The following LRP8 variants were observed in gnomAD, a reference collection of about 807,000 sequenced individuals.
The protein encoded by LRP8 is LDL receptor related protein 8, also known as low-density lipoprotein receptor-related protein 8.
A neutral mutation model predicts 111.6 loss-of-function variants in LRP8; 46 were observed. The observed-to-expected ratio is 0.41, with a 90% CI of 0.33 to 0.53. The LOEUF is 0.53. Ranked by LOEUF, LRP8 falls within the 20% of genes least tolerant of loss-of-function variation. LRP8 has a pLI of 0.20. For synonymous variants in LRP8, 464 were observed against 511.2 expected (o/e 0.91, Z 1.24); for missense variants, 959 against 1,297.4 (o/e 0.74, Z 4.01).
rs1645728363 is a variant in LRP8, at chr1:53,246,435, G to T, written c.*583C>A. ...ACACACATACACACACAGAGTCTGT[G>T]TGGTGGGCCAAACATGCCAAAAATA... On this transcript the variant is annotated 3_prime_UTR_variant, in exon 19 of 19. Transcript: ENST00000306052. 6.6e-6 allele frequency: 1 copy of T among 152,252 alleles called. No homozygotes were observed. The highest frequency in any genetic ancestry group is 2.4e-5 in the African/African-American group (1 of 41,346). The allele number at this position is 152,252 out of a possible 1,614,324, so 9.4% of individuals were successfully genotyped here.
rs1226017545 is a variant in LRP8 at position 53,250,533 on chromosome 1, GGGAGGGAGGGAAGGACGGAAGGAAA to G, written c.2676+132_2676+156del. On this transcript the variant is annotated intron_variant, in intron 17 of 18. Transcript: ENST00000306052. The surrounding 1 kb of genome is among the most constrained non-coding windows in gnomAD (Gnocchi z 4.6). ...AGGAAAGAAGGAAAGAAAAAAGACA[GGGAGGGAGGGAAGGACGGAAGGAAA>G]GGAGGGAGGGAAGGACGGAAGGAAG... is the stretch of plus-strand genomic sequence containing the variant. 9.5e-4 allele frequency among the ~76,000 whole-genome samples: 143 copies of G among 151,176 alleles called. 1 individual carries two copies. Among genetic ancestry groups the G allele is most frequent in the Non-Finnish European group, 1.5e-3 (100 of 67,780 alleles).
rs1243117255 is a variant in LRP8, at chr1:53,275,035, TG to T, written c.1006+595del. On this transcript the variant is annotated intron_variant, in intron 6 of 18. Transcript: ENST00000306052. This position sits in a 1 kb window ranked among gnomAD's most constrained non-coding sequence, Gnocchi z 4.4. ...ATTAGGAGGCTAAGCCTCATGTAGC[TG>T]GGCAGGGCTGTGGGGATCTGCGTCT... is the stretch of plus-strand genomic sequence containing the variant. Among the ~76,000 whole-genome samples the T allele has an allele frequency of 2.0e-5, 3 of 152,276 alleles. No individual in the cohort carries two copies. Among genetic ancestry groups the T allele is most frequent in the South Asian group, 2.1e-4 (1 of 4,826 alleles).
intron 2 of LRP8, chr1:53,305,226 G>C (rs1651716371): frequency 2.0e-5 from 3 of 152,234 alleles, no homozygotes; most frequent in African/African-American, 7.2e-5. Context: ...CCTCAGGCAG[G>C]CTACCTGACC....
intron 5 of LRP8, among the ~76,000 whole-genome samples, chr1:53,276,188 T>TC (rs1268840103): frequency 3.3e-5 from 5 of 151,988 alleles, no homozygotes; most frequent in African/African-American, 1.2e-4. Flanking sequence ...AAGAGCCTCC[T>TC]CATCCTCTAG....
Position 53,266,717 on chromosome 1 carries a change from G to C in LRP8, c.1253-70C>G. The stretch of plus-strand genomic sequence containing the variant: ...CAGGGAGCCTGGAGACCAAGACTCT[G>C]CCACTGGCTTGCTGGCTGACACATC... On this transcript the variant is annotated intron_variant, in intron 8 of 18. Coordinates refer to ENST00000306052, the MANE Select transcript of LRP8 (RefSeq NM_004631.5). The surrounding 1 kb of genome is among the most constrained non-coding windows in gnomAD (Gnocchi z 5.0). 1 of 1,419,548 alleles carries C rather than the reference G, an allele frequency of 7.0e-7. No homozygotes were observed. Among genetic ancestry groups the C allele is most frequent in the Non-Finnish European group, 9.9e-7 (1 of 1,011,056 alleles). The allele number at this position is 1,419,548 out of a possible 1,614,324, so 87.9% of individuals were successfully genotyped here.
At chr1:53,276,503 C>T (rs868192861) in intron 5 of LRP8, among the ~76,000 whole-genome samples, 189 bp downstream of exon 5, 1 of 152,130 alleles carries the variant, frequency 6.6e-6, no homozygotes, top group Admixed American at 6.5e-5. Context: ...TAGACCTGAG[C>T]TCCGCAGCCC....
At chr1:53,264,711 G>A (rs56391262) in intron 9 of LRP8, among the ~76,000 whole-genome samples, 4 of 152,188 alleles carry the variant, frequency 2.6e-5, no homozygotes, top group Non-Finnish European at 2.9e-5. Context: ...TGCCTCATCC[G>A]AGAGGGCGGG....
chr1:53,267,136 CAAG>C (rs1434958580), intron 8 of LRP8: 1 of 159,708 alleles, frequency 6.3e-6, no homozygotes, highest in African/African-American at 2.4e-5. Context: ...TGCTGTGGTT[CAAG>C]AAGGAACTAC....
chr1:53,291,229 G>C (rs1285328824), intron 2 of LRP8, among the ~76,000 whole-genome samples: 1 of 152,048 alleles, frequency 6.6e-6, no homozygotes, highest in African/African-American at 2.4e-5. Context: ...ACGGCAGGGG[G>C]GTCTCTTTTC....
intron 8 of LRP8, chr1:53,267,296 T>C (rs1178154914): frequency 6.6e-6 from 1 of 151,248 alleles, no homozygotes; most frequent in Non-Finnish European, 1.5e-5. Context: ...CAAAATCCCA[T>C]CTCTAAAAAT....
At chr1:53,300,188 A>G (rs1650540796) in intron 2 of LRP8, among the ~76,000 whole-genome samples, 2 of 152,208 alleles carry the variant, frequency 1.3e-5, no homozygotes, top group Admixed American at 1.3e-4. Context: ...ACCTGCCTCC[A>G]GTAACCACTC....
chr1:53,257,219 A>G (rs1354782538), intron 15 of LRP8, 21 bp downstream of exon 15: 1 of 1,612,254 alleles, frequency 6.2e-7, no homozygotes. Context: ...TCATGAAAGA[A>G]TGCAGAACTC....
chr1:53,312,156 C>T (rs1026362182), intron 2 of LRP8, among the ~76,000 whole-genome samples: 1 of 152,088 alleles, frequency 6.6e-6, no homozygotes, highest in Non-Finnish European at 1.5e-5. Context: ...CACAGTCATA[C>T]GAGGTGAGCA....
chr1:53,306,593 G>A (rs955243585), intron 2 of LRP8, among the ~76,000 whole-genome samples: 1 of 152,168 alleles, frequency 6.6e-6, no homozygotes, highest in African/African-American at 2.4e-5. Context: ...GGATCCCACT[G>A]CTCCCTGGGT....
At chr1:53,316,919 G>C (rs556651568) in intron 2 of LRP8, among the ~76,000 whole-genome samples, 1 of 152,154 alleles carries the variant, frequency 6.6e-6, no homozygotes, top group African/African-American at 2.4e-5. Flanking sequence ...TCCCCACCAC[G>C]ACGGCCTGGT....
chr1:53,264,477 C>T (rs912369459), intron 9 of LRP8, 81 bp from the exon 10 acceptor site: 24 of 1,093,500 alleles, frequency 2.2e-5, no homozygotes, highest in African/African-American at 4.7e-5. Context: ...CCCTTCCCCT[C>T]TCTTCCATCT....
Position 53,326,899 on chromosome 1 carries a change from A to G in LRP8, c.218T>C (p.Leu73Ser). ...VWRCDEDDDC[L>S]DHSDEDDCPK... ...GCAGTCGTCCTCGTCGCTGTGGTCT[A>G]AGCAGTCATCGTCCTCGTCGCATCT... The change falls in exon 2 of 19, where the codon TTA (leucine) becomes TCA (serine). Residue 73 changes from leucine (L) to serine (S), a missense_variant. Transcript: ENST00000306052. 1 of 1,613,786 alleles carries G rather than the reference A, an allele frequency of 6.2e-7. No homozygotes were observed. Among genetic ancestry groups the G allele is most frequent in the Non-Finnish European group, 8.5e-7 (1 of 1,179,942 alleles).
chr1:53,246,979 G>T lies in LRP8; in HGVS notation c.*39C>A. 6.3e-7 allele frequency: 1 copy of T among 1,590,166 alleles called. No homozygotes were observed. Among genetic ancestry groups the T allele is most frequent in the Non-Finnish European group, 8.6e-7 (1 of 1,162,160 alleles). On this transcript the variant is annotated 3_prime_UTR_variant, in exon 19 of 19. Transcript: ENST00000306052. Reference sequence around the variant, plus strand: ...ACACCATCCAGAGTGTAGTGCATGGGACTGAATTCCATGAGGCACGAAGGG... The same window carrying T: ...ACACCATCCAGAGTGTAGTGCATGGTACTGAATTCCATGAGGCACGAAGGG...
rs151217475 is a variant in LRP8 at position 53,271,034 on chromosome 1, C to G, written c.1246G>C (p.Ala416Pro). 22 of 1,613,920 alleles carry G rather than the reference C, an allele frequency of 1.4e-5. No homozygotes were observed. The highest frequency in any genetic ancestry group is 2.7e-5 in the African/African-American group (2 of 74,864). The change falls in exon 8 of 19, where the codon GCT (alanine) becomes CCT (proline). Residue 416 changes from alanine to proline, a missense_variant. By Grantham distance (27) the Ala-to-Pro change is conservative. This residue lies in a region of LRP8 where 819 missense variants were observed against 1,097.6 expected (regional missense o/e 0.75). Coordinates refer to ENST00000306052, the MANE Select transcript of LRP8 (RefSeq NM_004631.5). ...GCCCTTGGGGTGTTCATACCAGCAG[C>G]CTTGCAGTTCTTGGTCAGTAGGTCC... ...EMDLLTKNCKAAAGKSPSLIF... is the reference protein window; with the variant it reads ...EMDLLTKNCKPAAGKSPSLIF...
Sources: gnomAD v4.1 joint callset for allele counts (sites outside exome capture counted in the v4.1 genomes callset) on GRCh38, gnomAD v4.1.1 for gene constraint, gnomAD v4.1.1 regional missense constraint, Gnocchi (gnomAD v3.1) non-coding constraint, MANE v1.5 for transcripts, NCBI Gene and HGNC (gene_info 2026-07-23, HGNC 2026-07-21) for gene names.